CEP126: variants seen among roughly 807,000 people sequenced by gnomAD.
CEP126 encodes centrosomal protein of 126 kDa.
In CEP126, 74 loss-of-function variants were observed where a neutral mutation model predicts 107.8. The observed-to-expected ratio is 0.69, with a 90% confidence interval of 0.57 to 0.83. The LOEUF (loss-of-function observed/expected upper bound fraction) is 0.83, where lower values mean the gene tolerates loss of function less well. Ranked by LOEUF, CEP126 falls within the 40% of genes least tolerant of loss-of-function variation. CEP126 has a pLI of 0.00. For synonymous variants in CEP126, 449 were observed against 446.0 expected (o/e 1.01, Z -0.08); for missense variants, 1,237 against 1,281.9 (o/e 0.96, Z 0.53).
At position 101,958,352 on chromosome 11, in the gene CEP126, C is replaced by G; in HGVS notation, c.691C>G (p.Leu231Val). 1 of 1,613,186 alleles carries G rather than the reference C, an allele frequency of 6.2e-7. No homozygotes were observed. The highest frequency in any genetic ancestry group is 8.5e-7 in the Non-Finnish European group (1 of 1,179,570). ...TCAGAAACTCCTCGAAGATCAACATCTAAGCAATTTGCAAGTATGAAACTA... is the reference window on the plus strand; with the variant it reads ...TCAGAAACTCCTCGAAGATCAACATGTAAGCAATTTGCAAGTATGAAACTA... ...ETQKLLEDQHLSNLQKFCDEV... is the reference protein window; with the variant it reads ...ETQKLLEDQHVSNLQKFCDEV... Residue 231 changes from leucine (L) to valine (V), a missense_variant, in exon 5 of 11, where the codon CTA (leucine) becomes GTA (valine). By Grantham distance (32) the Leu-to-Val change is conservative. This residue lies in a region of CEP126 where 1,134 missense variants were observed against 1,150.5 expected (regional missense o/e 0.99). Transcript: ENST00000263468.
intron 4 of CEP126, chr11:101,956,741 C>T (rs1225807669): frequency 6.6e-6 from 3 of 455,002 alleles, no homozygotes; most frequent in Non-Finnish European, 1.3e-5. Context: ...TCCAGTTTCT[C>T]CTGTTTCTTC....
chr11:101,946,404 A>G (rs1250368261), intron 3 of CEP126, among the ~76,000 whole-genome samples: 2 of 152,128 alleles, frequency 1.3e-5, no homozygotes. Flanking sequence ...GCTACTCAGG[A>G]GGCTGAAGTG....
intron 2 of CEP126, among the ~76,000 whole-genome samples, chr11:101,927,674 T>C (rs904841584): frequency 6.6e-6 from 1 of 152,164 alleles, no homozygotes; most frequent in Non-Finnish European, 1.5e-5. Flanking sequence ...CCTTTGAGGA[T>C]TGACTTTTCT....
intron 2 of CEP126, among the ~76,000 whole-genome samples, chr11:101,927,098 T>C (rs1434211075): frequency 6.6e-6 from 1 of 152,122 alleles, no homozygotes; most frequent in Admixed American, 6.5e-5. Context: ...GGTCAGGAGT[T>C]CAAGACCAGC....
At chr11:101,979,395 A>G (rs1941229887) in intron 7 of CEP126, among the ~76,000 whole-genome samples, 1 of 152,152 alleles carries the variant, frequency 6.6e-6, no homozygotes, top group Non-Finnish European at 1.5e-5. Context: ...ATGAATAAAG[A>G]GTTTAATATG....
chr11:101,993,346 T>C (rs1382925544), intron 10 of CEP126, among the ~76,000 whole-genome samples: 1 of 152,322 alleles, frequency 6.6e-6, no homozygotes. Flanking sequence ...TTACTTAGGA[T>C]TGTGGCCTCC....
intron 4 of CEP126, chr11:101,956,332 C>T (rs974843092): frequency 1.8e-5 from 8 of 456,370 alleles, no homozygotes; most frequent in Admixed American, 1.4e-4. Flanking sequence ...TATCCAGTCA[C>T]CCCCCTTATC....
chr11:101,972,639 A>G (rs1354697712), intron 6 of CEP126, among the ~76,000 whole-genome samples: 1 of 151,926 alleles, frequency 6.6e-6, no homozygotes, highest in African/African-American at 2.4e-5. Context: ...TGTCTCTACT[A>G]AAAATACAAA....
At chr11:101,992,627 A>T (rs1941398568) in intron 9 of CEP126, 151 bp from the exon 10 acceptor site, 1 of 475,786 alleles carries the variant, frequency 2.1e-6, no homozygotes, top group African/African-American at 2.0e-5. Flanking sequence ...ATATAAGTAT[A>T]AAGACTATTT....
intron 9 of CEP126, among the ~76,000 whole-genome samples, chr11:101,992,375 A>G (rs1240129593): frequency 6.6e-6 from 1 of 152,124 alleles, no homozygotes; most frequent in African/African-American, 2.4e-5. Flanking sequence ...AAAAATCTAA[A>G]AATTGAAAAG....
intron 10 of CEP126, among the ~76,000 whole-genome samples, chr11:101,995,630 A>G (rs960796292): frequency 6.6e-6 from 1 of 152,212 alleles, no homozygotes. Flanking sequence ...AAGCCAGTGA[A>G]GTAGTCAGTC....
At chr11:101,992,728 T>G (rs1226448212) in intron 9 of CEP126, 50 bp from the exon 10 acceptor site, 1 of 995,056 alleles carries the variant, frequency 1.0e-6, no homozygotes, top group East Asian at 3.0e-5. Flanking sequence ...ATTCTTCTAT[T>G]TCTATATATG....
rs1368388898 is a variant in CEP126, at chr11:101,962,795, A to G, written c.1760A>G (p.His587Arg). 4 of 1,602,204 alleles carry G rather than the reference A, an allele frequency of 2.5e-6. No individual in the cohort carries two copies. The highest frequency in any genetic ancestry group is 2.2e-5 in the East Asian group (1 of 44,780). ...TTAAAGAAAGAATCTAAATATGAAC[A>G]TGGTTATCTTAAGGCATTAATTATA... ...SILKKESKYE[H>R]GYLKALIINQ... Residue 587 changes from histidine (H) to arginine (R), a missense_variant, in exon 6 of 11, where the codon CAT (histidine) becomes CGT (arginine). Coordinates refer to ENST00000263468, the MANE Select transcript of CEP126 (RefSeq NM_020802.4).
At chr11:101,984,368 TGA>T (rs1941291940) in intron 8 of CEP126, among the ~76,000 whole-genome samples, 1 of 152,124 alleles carries the variant, frequency 6.6e-6, no homozygotes, top group South Asian at 2.1e-4. Flanking sequence ...GTATGTCAAG[TGA>T]GAAAAAATTA....
At chr11:101,939,407 A>G (rs929598452) in intron 2 of CEP126, among the ~76,000 whole-genome samples, 2 of 152,222 alleles carry the variant, frequency 1.3e-5, no homozygotes, top group African/African-American at 2.4e-5. Context: ...GTATTAATAT[A>G]CATAGTCAAA....
chr11:101,967,969 CACAGAGATTTTCAATTAT>C (rs1426685781), intron 6 of CEP126, among the ~76,000 whole-genome samples: 2 of 152,100 alleles, frequency 1.3e-5, no homozygotes, highest in East Asian at 3.8e-4. Flanking sequence ...AACTTTGACA[CACAGAGATTTTCAATTAT>C]ATTTGTACAA....
Position 101,963,386 on chromosome 11 carries a change from C to A in CEP126, c.2351C>A (p.Ala784Glu), listed in dbSNP as rs751074538. Residue 784 changes from alanine (A) to glutamate (E), a missense_variant, in exon 6 of 11, where the codon GCA becomes GAA. By Grantham distance (107) the Ala-to-Glu change is moderately radical (BLOSUM62 -1). Transcript: ENST00000263468. Reference sequence around the variant, plus strand: ...GGCGCTGTCATTCAACCACAGTCTGCAAGCAAAGTCAACATATTTACACAA... The same window carrying A: ...GGCGCTGTCATTCAACCACAGTCTGAAAGCAAAGTCAACATATTTACACAA... ...RKGAVIQPQS[A>E]SKVNIFTQAQ... 1 of 1,614,094 alleles carries A rather than the reference C, an allele frequency of 6.2e-7. No homozygotes were observed. Among genetic ancestry groups the A allele is most frequent in the East Asian group, 2.2e-5 (1 of 44,866 alleles).
At chr11:101,915,464 C>T in intron 1 of CEP126, 52 bp downstream of exon 1, 1 of 1,566,542 alleles carries the variant, frequency 6.4e-7, no homozygotes, top group South Asian at 1.2e-5. Flanking sequence ...AAACGGGGCC[C>T]ATCTTTTTCC....
chr11:101,944,131 A>G (rs1940704734), intron 2 of CEP126, 134 bp from the exon 3 acceptor site: 8 of 844,272 alleles, frequency 9.5e-6, no homozygotes, highest in Non-Finnish European at 1.4e-5. Context: ...CCTGTTTTAA[A>G]AAATTTAAAA....
Sources: gnomAD v4.1 joint callset for allele counts (sites outside exome capture counted in the v4.1 genomes callset) on GRCh38, gnomAD v4.1.1 for gene constraint, gnomAD v4.1.1 regional missense constraint, MANE v1.5 for transcripts, NCBI Gene and HGNC (gene_info 2026-07-23, HGNC 2026-07-21) for gene names.